GABRB2: variants seen among roughly 807,000 people sequenced by gnomAD.
GABRB2 encodes the protein gamma-aminobutyric acid type A receptor subunit beta2.
GABRB2 carries 16 observed loss-of-function variants against 54.7 expected under a neutral mutation model. The ratio of observed to expected loss-of-function variants is 0.29; its 90% CI spans 0.20 to 0.44. The LOEUF is 0.44. Ranked by LOEUF, GABRB2 falls within the 20% of genes least tolerant of loss-of-function variation. The probability of loss-of-function intolerance (pLI) is 1.00; values close to 1 mark genes in which losing one functional copy is unlikely to be tolerated. For missense variants in GABRB2, 355 were observed against 644.0 expected, an observed-to-expected ratio of 0.55 and a Z score of 4.86; for synonymous variants, 244 against 233.8, an observed-to-expected ratio of 1.04 and a Z score of -0.40.
chr5:161,473,404 G>A (rs1214628876), intron 3 of GABRB2, among the ~76,000 whole-genome samples: 1 of 151,916 alleles, frequency 6.6e-6, no homozygotes, highest in Non-Finnish European at 1.5e-5. Context: ...CAGGTTCCGT[G>A]AATATAAAGC....
At position 161,292,299 on chromosome 5, in the gene GABRB2, T is replaced by C. The variant is rs981961867; in HGVS notation, c.*1782A>G. ...GGCTGCTATGCACAATTAGGGATAT[T>C]ACTCTAAAAAGAAGAGCTTTCTTTG... is the stretch of plus-strand genomic sequence containing the variant. On this transcript the variant is annotated 3_prime_UTR_variant, in exon 10 of 10. Transcript: ENST00000393959. 1.3e-5 allele frequency: 2 copies of C among 152,186 alleles called. No individual in the cohort carries two copies. The highest frequency in any genetic ancestry group is 2.9e-5 in the Non-Finnish European group (2 of 68,026). The allele number at this position is 152,186 out of a possible 1,614,324, so 9.4% of individuals were successfully genotyped here.
rs571317202 is a variant in GABRB2 at position 161,525,444 on chromosome 5, T to C, written c.237+19783A>G. 3.3e-5 allele frequency among the ~76,000 whole-genome samples: 5 copies of C among 151,448 alleles called. No homozygotes were observed. In the East Asian group the frequency reaches 9.7e-4, roughly 29 times the overall value. On this transcript the variant is annotated intron_variant, in intron 3 of 9. Transcript: ENST00000393959. The stretch of plus-strand genomic sequence containing the variant: ...CAATTGTAATTTAGTAAGCATTCTA[T>C]TTACGAAAGTATTTTCTCTGTATTT...
At chr5:161,328,208 C>G (rs1170395699) in intron 8 of GABRB2, among the ~76,000 whole-genome samples, 1 of 152,164 alleles carries the variant, frequency 6.6e-6, no homozygotes, top group Non-Finnish European at 1.5e-5. Context: ...CCTGTCTAAA[C>G]AATACACTGC....
At chr5:161,526,970 C>A (rs1399556774) in intron 3 of GABRB2, among the ~76,000 whole-genome samples, 2 of 151,206 alleles carry the variant, frequency 1.3e-5, no homozygotes, top group Non-Finnish European at 3.0e-5. Flanking sequence ...AATTTTAAAG[C>A]AATTACAACA....
chr5:161,377,422 T>C (rs923406692), intron 5 of GABRB2, among the ~76,000 whole-genome samples: 10 of 152,132 alleles, frequency 6.6e-5, no homozygotes, highest in Non-Finnish European at 1.2e-4. Context: ...TGGAGAAATA[T>C]AACACATGAT....
rs73797589 is a variant in GABRB2 at position 161,371,182 on chromosome 5, C to T, written c.542-34413G>A. 4.4e-3 allele frequency among the ~76,000 whole-genome samples: 663 copies of T among 152,180 alleles called. 8 individuals carry two copies. Among genetic ancestry groups the T allele is most frequent in the African/African-American group, 0.014 (589 of 41,544 alleles). On this transcript the variant is annotated intron_variant, in intron 5 of 9. Transcript: ENST00000393959. ...GGATTACAAGGCTGTTATTACAAGA[C>T]AATACTTTGTTTCTGACCCATGATC...
chr5:161,535,254 G>A (rs1760597000), intron 3 of GABRB2, among the ~76,000 whole-genome samples: 1 of 151,954 alleles, frequency 6.6e-6, no homozygotes, highest in African/African-American at 2.4e-5. Context: ...AGATTATCAA[G>A]GAGAGTTATA....
At chr5:161,396,686 C>T (rs2962396) in intron 5 of GABRB2, among the ~76,000 whole-genome samples, 100,729 of 151,978 alleles carry the variant, frequency 0.66, 34,339 homozygotes, top group South Asian at 0.76. Flanking sequence ...AATTATCAAA[C>T]TCTGTGTTTG....
At chr5:161,542,026 T>G (rs1462666358) in intron 3 of GABRB2, among the ~76,000 whole-genome samples, 1 of 152,162 alleles carries the variant, frequency 6.6e-6, no homozygotes, top group Non-Finnish European at 1.5e-5. Flanking sequence ...ATTTCCATAT[T>G]GTTGTGTCTC....
chr5:161,465,418 T>C (rs1758251425), intron 3 of GABRB2, among the ~76,000 whole-genome samples: 1 of 152,120 alleles, frequency 6.6e-6, no homozygotes, highest in Non-Finnish European at 1.5e-5. Flanking sequence ...CAAAGGCCAT[T>C]TCTAGGGATG....
At chr5:161,506,247 T>TA (rs1328774529) in intron 3 of GABRB2, among the ~76,000 whole-genome samples, 2 of 152,024 alleles carry the variant, frequency 1.3e-5, no homozygotes, top group Admixed American at 6.6e-5. Flanking sequence ...ATTTAGGAGA[T>TA]AAAAAAGACC....
chr5:161,427,615 G>C (rs1266321261), intron 4 of GABRB2, among the ~76,000 whole-genome samples: 3 of 152,010 alleles, frequency 2.0e-5, no homozygotes, highest in Non-Finnish European at 4.4e-5. Context: ...TGTTAATTTG[G>C]GTTGTAATGA....
intron 3 of GABRB2, among the ~76,000 whole-genome samples, chr5:161,517,172 A>ATTC (rs1213612500): frequency 6.6e-6 from 1 of 152,176 alleles, no homozygotes; most frequent in Non-Finnish European, 1.5e-5. Flanking sequence ...GCCTTTCATA[A>ATTC]AGATAGCTGT....
At chr5:161,495,953 T>G (rs1012111742) in intron 3 of GABRB2, among the ~76,000 whole-genome samples, 1 of 152,166 alleles carries the variant, frequency 6.6e-6, no homozygotes, top group African/African-American at 2.4e-5. Flanking sequence ...ACTTCACATT[T>G]GCATCCCCAC....
At chr5:161,426,602 A>G (rs1456084855) in intron 4 of GABRB2, among the ~76,000 whole-genome samples, 2 of 152,124 alleles carry the variant, frequency 1.3e-5, no homozygotes, top group Non-Finnish European at 1.5e-5. Flanking sequence ...TACCCAAATG[A>G]TGGCATATTT....
At chr5:161,388,575 C>A (rs1755718244) in intron 5 of GABRB2, among the ~76,000 whole-genome samples, 1 of 151,618 alleles carries the variant, frequency 6.6e-6, no homozygotes, top group Non-Finnish European at 1.5e-5. Flanking sequence ...ATTCTTAATG[C>A]CTTTTATAAT....
At chr5:161,312,844 A>G (rs927419755) in intron 9 of GABRB2, among the ~76,000 whole-genome samples, 4 of 151,996 alleles carry the variant, frequency 2.6e-5, no homozygotes, top group Non-Finnish European at 4.4e-5. Flanking sequence ...GAACCTCTCT[A>G]TAAAGTGCTG....
At chr5:161,437,763 T>G (rs1757352916) in intron 4 of GABRB2, among the ~76,000 whole-genome samples, 1 of 152,156 alleles carries the variant, frequency 6.6e-6, no homozygotes, top group Admixed American at 6.5e-5. Context: ...AGTCTGGCAG[T>G]ACTCCTCATA....
chr5:161,532,990 G>A (rs1043713272), intron 3 of GABRB2, among the ~76,000 whole-genome samples: 5 of 152,086 alleles, frequency 3.3e-5, no homozygotes, highest in Non-Finnish European at 5.9e-5. Context: ...GACACATGCC[G>A]ATTCACCTTA....
Sources: allele counts gnomAD v4.1 joint callset (sites outside exome capture counted in the v4.1 genomes callset), GRCh38; gene constraint gnomAD v4.1.1; transcripts MANE v1.5; gene names NCBI Gene and HGNC (gene_info 2026-07-23, HGNC 2026-07-21).